Variants in LRCH3 observed in about 807,000 individuals in gnomAD.
LRCH3 encodes the protein leucine rich repeats and calponin homology domain containing 3.
Under a neutral mutation model 104.5 loss-of-function variants are expected in LRCH3, and 68 were observed. That is an observed-to-expected ratio of 0.65 (90% CI 0.54 to 0.80). The LOEUF (loss-of-function observed/expected upper bound fraction) is 0.80, where lower values mean the gene tolerates loss of function less well. Ranked by LOEUF, LRCH3 falls within the 30% of genes least tolerant of loss-of-function variation. The probability of loss-of-function intolerance (pLI) is 0.00; values close to 1 mark genes in which losing one functional copy is unlikely to be tolerated. For missense variants in LRCH3, 951 were observed against 953.9 expected (o/e 1.00, Z 0.04); for synonymous variants, 344 against 361.3 (o/e 0.95, Z 0.54).
intron 7 of LRCH3, 194 bp downstream of exon 7, chr3:197,831,057 T>G: frequency 2.1e-6 from 1 of 480,782 alleles, no homozygotes; most frequent in Admixed American, 3.6e-5. Flanking sequence ...TCACGTGGAT[T>G]TCCGCCTGTT....
At position 197,854,277 on chromosome 3, in the gene LRCH3, C is replaced by T. The variant is rs145588800; in HGVS notation, c.1591-115C>T. The T allele has an allele frequency of 9.5e-5, 85 of 895,230 alleles. No homozygotes were observed. In the East Asian group the frequency reaches 1.9e-3, roughly 20 times the overall value. The allele number at this position is 895,230 out of a possible 1,614,324, so 55.5% of individuals were successfully genotyped here. The stretch of plus-strand genomic sequence containing the variant: ...TTGTGAATGTGGTCCTCTATGTCAA[C>T]GTCTTCAAAAGTATGTCTTAATATG... On this transcript the variant is annotated intron_variant, in intron 13 of 20. Transcript: ENST00000425562. This position sits in a 1 kb window ranked among gnomAD's most constrained non-coding sequence, Gnocchi z 4.5.
chr3:197,837,322 A>G lies in LRCH3; in HGVS notation c.1251+1500A>G, dbSNP rs111482931. Among the ~76,000 whole-genome samples the G allele has an allele frequency of 5.7e-4, 87 of 152,324 alleles. 1 individual carries two copies. Among genetic ancestry groups the G allele is most frequent in the African/African-American group, 2.0e-3 (84 of 41,580 alleles). ...TGGAGTATCTCTACTAAAAGTGAAAATGCCTATTATACTACTATAAAAAAA... is the reference window on the plus strand; with the variant it reads ...TGGAGTATCTCTACTAAAAGTGAAAGTGCCTATTATACTACTATAAAAAAA... On this transcript the variant is annotated intron_variant, in intron 9 of 20. Coordinates refer to ENST00000425562, the MANE Select transcript of LRCH3 (RefSeq NM_001365715.1).
chr3:197,869,370 C>T (rs59798173), intron 17 of LRCH3, among the ~76,000 whole-genome samples: 5 of 150,986 alleles, frequency 3.3e-5, no homozygotes, highest in Admixed American at 2.0e-4. Flanking sequence ...AAGTAGAAAG[C>T]GGTGCACTGT....
intron 8 of LRCH3, among the ~76,000 whole-genome samples, chr3:197,834,161 C>T (rs972362653): frequency 7.9e-5 from 12 of 152,150 alleles, no homozygotes; most frequent in African/African-American, 2.9e-4. Context: ...TAATGCATCT[C>T]TGGAAAAACT....
intron 10 of LRCH3, among the ~76,000 whole-genome samples, chr3:197,845,777 T>C (rs1738587989): frequency 6.6e-6 from 1 of 152,028 alleles, no homozygotes; most frequent in Non-Finnish European, 1.5e-5. Context: ...TGGTGGCGCA[T>C]GCCTGTAATC....
In LRCH3 at chr3:197,791,453, A is replaced by T; in HGVS notation, c.175A>T (p.Thr59Ser). 1 of 1,599,166 alleles carries T rather than the reference A, an allele frequency of 6.3e-7. No individual in the cohort carries two copies. The highest frequency in any genetic ancestry group is 1.3e-5 in the African/African-American group (1 of 74,226). Residue 59 changes from threonine (T) to serine (S), a missense_variant, in exon 1 of 21, where the codon ACT becomes TCT. Thr to Ser is a moderately conservative substitution (Grantham distance 58). Transcript: ENST00000425562. ...LDRALEEAAV[T>S]GVLSLSGRKL... ...TCGAGCCCTGGAGGAGGCGGCGGTC[A>T]CTGGGGTGCTGAGCCTGAGCGGCCG...
At chr3:197,801,272 T>G (rs1731868305) in intron 1 of LRCH3, among the ~76,000 whole-genome samples, 1 of 151,906 alleles carries the variant, frequency 6.6e-6, no homozygotes, top group South Asian at 2.1e-4. Flanking sequence ...AGGAAATAAT[T>G]GCCATAAAAA....
chr3:197,824,227 G>A (rs1056819717), intron 4 of LRCH3, among the ~76,000 whole-genome samples: 1 of 151,922 alleles, frequency 6.6e-6, no homozygotes, highest in African/African-American at 2.4e-5. Context: ...ACCATGCCCA[G>A]CTAATTTTTG....
chr3:197,832,671 T>C (rs1580705123), intron 8 of LRCH3, among the ~76,000 whole-genome samples: 1 of 151,962 alleles, frequency 6.6e-6, no homozygotes, highest in East Asian at 1.9e-4. Context: ...TTGATCTCTT[T>C]TAGGAATTTA....
chr3:197,853,704 G>A (rs1739922608), intron 13 of LRCH3, among the ~76,000 whole-genome samples: 2 of 152,100 alleles, frequency 1.3e-5, no homozygotes, highest in African/African-American at 2.4e-5. Flanking sequence ...CATTAGAAAG[G>A]TTTTTAAAAA....
In LRCH3 at chr3:197,883,919, A is replaced by AC. The variant is rs1560068987; in HGVS notation, c.*254dup. ...TCTCTTACTGAAAACCCAGCACCTA[A>AC]CTTGGCTGTGTTTTCCTGGAGAGCA... On this transcript the variant is annotated 3_prime_UTR_variant, in exon 21 of 21. Transcript: ENST00000425562. The surrounding 1 kb of genome is among the most constrained non-coding windows in gnomAD (Gnocchi z 4.2). 1.3e-5 allele frequency: 5 copies of AC among 376,570 alleles called. No individual in the cohort carries two copies. Among genetic ancestry groups the AC allele is most frequent in the Non-Finnish European group, 2.3e-5 (5 of 213,040 alleles). The allele number at this position is 376,570 out of a possible 1,614,324, so 23.3% of individuals were successfully genotyped here.
At chr3:197,878,640 G>A (rs777814975) in intron 20 of LRCH3, among the ~76,000 whole-genome samples, 1 of 152,048 alleles carries the variant, frequency 6.6e-6, no homozygotes, top group African/African-American at 2.4e-5. Context: ...AGTTTTACAC[G>A]GCTTCCTAGC....
intron 1 of LRCH3, among the ~76,000 whole-genome samples, chr3:197,807,908 A>G (rs1732685493): frequency 1.3e-5 from 2 of 152,040 alleles, no homozygotes; most frequent in Non-Finnish European, 2.9e-5. Flanking sequence ...TGTCTTAAAT[A>G]TTTTCTCTAT....
chr3:197,814,455 T>A (rs188289403), intron 1 of LRCH3, among the ~76,000 whole-genome samples: 1 of 152,298 alleles, frequency 6.6e-6, no homozygotes, highest in East Asian at 1.9e-4. Context: ...TACAAGATAG[T>A]GTATTAGTTC....
Position 197,820,308 on chromosome 3 carries a change from G to C in LRCH3, c.535-17G>C. The C allele has an allele frequency of 1.3e-6, 2 of 1,535,002 alleles. No individual in the cohort carries two copies. The highest frequency in any genetic ancestry group is 9.0e-7 in the Non-Finnish European group (1 of 1,109,006). On this transcript the variant is annotated splice_polypyrimidine_tract_variant and intron_variant, in intron 3 of 20. Coordinates refer to ENST00000425562, the MANE Select transcript of LRCH3 (RefSeq NM_001365715.1). Reference sequence around the variant, plus strand: ...GTAATGTTAGGACAATCTTTATTTTGTATCTTTTCGAAATAGGATGTGAGC... The same window carrying C: ...GTAATGTTAGGACAATCTTTATTTTCTATCTTTTCGAAATAGGATGTGAGC...
intron 16 of LRCH3, 49 bp from the exon 17 acceptor site, chr3:197,866,060 CTAT>C: frequency 8.0e-7 from 1 of 1,249,274 alleles, no homozygotes; most frequent in Non-Finnish European, 1.2e-6. Context: ...TGTATGTCTG[CTAT>C]TATATTTTCA....
At chr3:197,813,203 CCCCAAGCATTGATGCTTT>C (rs1324495780) in intron 1 of LRCH3, among the ~76,000 whole-genome samples, 2 of 152,150 alleles carry the variant, frequency 1.3e-5, no homozygotes, top group African/African-American at 2.4e-5. Context: ...GTATCCATTA[CCCCAAGCATTGATGCTTT>C]GTGTTACAAA....
At chr3:197,820,530 G>C in intron 4 of LRCH3, 100 bp downstream of exon 4, 1 of 776,132 alleles carries the variant, frequency 1.3e-6, no homozygotes, top group East Asian at 2.7e-5. Context: ...TTACATCTAG[G>C]CTGGGCGCTG....
At position 197,883,265 on chromosome 3, in the gene LRCH3, T is replaced by C. The variant is rs1713944064; in HGVS notation, c.2209-276T>C. The C allele has an allele frequency of 8.9e-7, 1 of 1,129,108 alleles. No homozygotes were observed. The highest frequency in any genetic ancestry group is 1.1e-6 in the Non-Finnish European group (1 of 920,298). The allele number at this position is 1,129,108 out of a possible 1,614,324, so 69.9% of individuals were successfully genotyped here. ...GTTGCTTTCACCCTGCGGTATTGTT[T>C]TCCCTCTGTTGTATGTATAGATATA... is the stretch of plus-strand genomic sequence containing the variant. On this transcript the variant is annotated intron_variant, in intron 20 of 20. Transcript: ENST00000425562. The surrounding 1 kb of genome is among the most constrained non-coding windows in gnomAD (Gnocchi z 4.2).
Sources: allele counts gnomAD v4.1 joint callset (sites outside exome capture counted in the v4.1 genomes callset), GRCh38; gene constraint gnomAD v4.1.1; non-coding constraint Gnocchi (gnomAD v3.1); transcripts MANE v1.5; gene names NCBI Gene and HGNC (gene_info 2026-07-23, HGNC 2026-07-21).